COA1: variants seen among roughly 807,000 people sequenced by gnomAD.
COA1 encodes the protein cytochrome c oxidase assembly factor 1.
COA1 carries 13 observed loss-of-function variants against 16.0 expected under a neutral mutation model. The observed-to-expected ratio is 0.81, with a 90% CI of 0.53 to 1.29. COA1 has a LOEUF of 1.29. Ranked by LOEUF, COA1 falls within the 50% of genes most tolerant of loss-of-function variation. The pLI, the probability that COA1 is intolerant of heterozygous loss-of-function variation, is 0.00. For synonymous variants in COA1, 65 were observed against 65.7 expected, an observed-to-expected ratio of 0.99 and a Z score of 0.05; for missense variants, 179 against 177.0, an observed-to-expected ratio of 1.01 and a Z score of -0.06.
intron 1 of COA1, among the ~76,000 whole-genome samples, chr7:43,683,468 T>TA (rs1400833663): frequency 3.3e-5 from 5 of 151,738 alleles, no homozygotes; most frequent in South Asian, 2.1e-4. Context: ...TCATCTCTAC[T>TA]AAAAAAATAC....
At chr7:43,673,262 A>G (rs2093358904) in intron 1 of COA1, among the ~76,000 whole-genome samples, 1 of 152,252 alleles carries the variant, frequency 6.6e-6, no homozygotes, top group African/African-American at 2.4e-5. Context: ...TATGCATCCA[A>G]CAACGGTCTA....
At chr7:43,725,195 G>C (rs565899891) in intron 1 of COA1, among the ~76,000 whole-genome samples, 3 of 150,604 alleles carry the variant, frequency 2.0e-5, no homozygotes, top group African/African-American at 7.3e-5. Flanking sequence ...CTGAGAACAC[G>C]CCACTGCACT....
At chr7:43,722,329 A>G (rs1585538435) in intron 1 of COA1, among the ~76,000 whole-genome samples, 1 of 152,256 alleles carries the variant, frequency 6.6e-6, no homozygotes, top group South Asian at 2.1e-4. Flanking sequence ...TCCTGGACTC[A>G]AGTGATCTGC....
At chr7:43,662,316 G>A (rs555753235) in intron 1 of COA1, among the ~76,000 whole-genome samples, 4 of 152,248 alleles carry the variant, frequency 2.6e-5, no homozygotes, top group South Asian at 2.1e-4. Flanking sequence ...TGCAACCTCC[G>A]CCTCCCAGGT....
intron 6 of COA1, among the ~76,000 whole-genome samples, chr7:43,612,874 CAA>C (rs142874015): frequency 0.019 from 2,873 of 151,834 alleles, 94 homozygotes; most frequent in African/African-American, 0.066. Context: ...CATACAGCCA[CAA>C]AAATAGAAAA....
intron 1 of COA1, among the ~76,000 whole-genome samples, chr7:43,672,250 A>C (rs575081752): frequency 5.9e-5 from 9 of 152,202 alleles, no homozygotes; most frequent in Non-Finnish European, 1.2e-4. Context: ...ATCCCTGATG[A>C]ACACAGATGC....
At chr7:43,695,270 C>T (rs1216618537) in intron 1 of COA1, among the ~76,000 whole-genome samples, 3 of 152,062 alleles carry the variant, frequency 2.0e-5, no homozygotes, top group East Asian at 1.9e-4. Flanking sequence ...AGGTAAAAGA[C>T]GAAGTCTTTA....
At chr7:43,659,962 C>T (rs1184778504) in intron 1 of COA1, among the ~76,000 whole-genome samples, 1 of 152,162 alleles carries the variant, frequency 6.6e-6, no homozygotes, top group East Asian at 1.9e-4. Context: ...TACACACATA[C>T]AGAGAAAAGA....
intron 4 of COA1, among the ~76,000 whole-genome samples, 168 bp downstream of exon 4, chr7:43,645,083 A>G (rs2088855343): frequency 6.6e-6 from 1 of 152,148 alleles, no homozygotes; most frequent in African/African-American, 2.4e-5. Context: ...TATTTTATAT[A>G]AACATTAAAA....
intron 1 of COA1, among the ~76,000 whole-genome samples, chr7:43,701,997 T>G (rs1373157094): frequency 6.6e-6 from 1 of 152,082 alleles, no homozygotes; most frequent in East Asian, 1.9e-4. Context: ...AGATGAATAG[T>G]TTGCAAATAT....
intron 1 of COA1, among the ~76,000 whole-genome samples, chr7:43,681,998 A>G (rs961594785): frequency 8.5e-5 from 13 of 152,226 alleles, no homozygotes; most frequent in African/African-American, 2.9e-4. Flanking sequence ...TGTATAAAAA[A>G]TAGTGTGGAA....
chr7:43,616,456 A>G lies in COA1; in HGVS notation c.*134-6961T>C, dbSNP rs1583672152. ...GTGGTAGGCACTGATCACAGTGACAAAAGAGTAATCAGTACTGTGGCTTCT... is the reference window on the plus strand; with the variant it reads ...GTGGTAGGCACTGATCACAGTGACAGAAGAGTAATCAGTACTGTGGCTTCT... On this transcript the variant is annotated intron_variant and NMD_transcript_variant, in intron 6 of 6. Transcript: ENST00000415076. 2.6e-5 allele frequency among the ~76,000 whole-genome samples: 4 copies of G among 152,320 alleles called. No homozygotes were observed. In the South Asian group the frequency reaches 6.2e-4, roughly 24 times the overall value.
chr7:43,637,314 A>T (rs1340984947), downstream of COA1, among the ~76,000 whole-genome samples: 3 of 152,276 alleles, frequency 2.0e-5, no homozygotes, highest in East Asian at 5.8e-4. Flanking sequence ...GAGGCCCTGC[A>T]GCCTCTTCTA....
intron 1 of COA1, among the ~76,000 whole-genome samples, chr7:43,666,803 A>ATAATT (rs531038851): frequency 1.7e-3 from 253 of 152,336 alleles, no homozygotes; most frequent in Middle Eastern, 0.014. Flanking sequence ...CACCAAGTAT[A>ATAATT]TAATTAAAAC....
intron 1 of COA1, among the ~76,000 whole-genome samples, chr7:43,705,163 GTA>G (rs2094922680): frequency 6.6e-6 from 1 of 152,180 alleles, no homozygotes; most frequent in Non-Finnish European, 1.5e-5. Context: ...TTGAGGTTAA[GTA>G]CCTACTGCTC....
intron 4 of COA1, among the ~76,000 whole-genome samples, chr7:43,644,373 T>C (rs1421047149): frequency 6.6e-6 from 1 of 152,174 alleles, no homozygotes; most frequent in East Asian, 1.9e-4. Context: ...GTGTTTTACA[T>C]GCAAGTGAGT....
chr7:43,657,881 G>T (rs187662106), intron 1 of COA1, among the ~76,000 whole-genome samples: 19 of 152,182 alleles, frequency 1.2e-4, no homozygotes, highest in African/African-American at 4.1e-4. Flanking sequence ...AAGATACAGA[G>T]AAGGCAAATA....
At chr7:43,712,472 T>C (rs1194376287) in intron 1 of COA1, among the ~76,000 whole-genome samples, 2 of 152,176 alleles carry the variant, frequency 1.3e-5, no homozygotes, top group African/African-American at 2.4e-5. Context: ...GGGTGCTACA[T>C]AGAAATCCAA....
intron 6 of COA1, among the ~76,000 whole-genome samples, chr7:43,612,446 G>C (rs1454807917): frequency 6.6e-6 from 1 of 152,094 alleles, no homozygotes; most frequent in Non-Finnish European, 1.5e-5. Context: ...GTTGACTCTT[G>C]GTCTCTAGAA....
Sources: gnomAD v4.1 joint callset for allele counts (sites outside exome capture counted in the v4.1 genomes callset) on GRCh38, gnomAD v4.1.1 for gene constraint, MANE v1.5 for transcripts, NCBI Gene and HGNC (gene_info 2026-07-23, HGNC 2026-07-21) for gene names.